ST6GALNAC5: variants seen among roughly 807,000 people sequenced by gnomAD.
ST6GALNAC5 encodes ST6 N-acetylgalactosaminide alpha-2,6-sialyltransferase 5, also known as alpha-N-acetylgalactosaminide alpha-2,6-sialyltransferase 5.
In ST6GALNAC5, 27 loss-of-function variants were observed where a neutral mutation model predicts 33.6. The observed-to-expected ratio is 0.80, with a 90% CI of 0.59 to 1.11. The LOEUF (loss-of-function observed/expected upper bound fraction) is 1.11, where lower values mean the gene tolerates loss of function less well. Ranked by LOEUF, ST6GALNAC5 falls within the 50% of genes least tolerant of loss-of-function variation. The pLI, the probability that ST6GALNAC5 is intolerant of heterozygous loss-of-function variation, is 0.00. For missense variants in ST6GALNAC5, 428 were observed against 454.0 expected (o/e 0.94, Z 0.52); for synonymous variants, 194 against 171.2 (o/e 1.13, Z -1.04).
chr1:76,990,477 C>G (rs1004234754), intron 2 of ST6GALNAC5, among the ~76,000 whole-genome samples: 1 of 152,160 alleles, frequency 6.6e-6, no homozygotes, highest in African/African-American at 2.4e-5. Context: ...GCCTTCTCAG[C>G]CTTCTGTCTT....
rs1018689051 is a variant in ST6GALNAC5 at position 77,065,706 on chromosome 1, A to G, written c.*2500A>G. On this transcript the variant is annotated 3_prime_UTR_variant, in exon 5 of 5. Coordinates refer to ENST00000477717, the MANE Select transcript of ST6GALNAC5 (RefSeq NM_030965.3). ...AACACCATTAAATATAAACTCTGAT[A>G]TAAAAGATGACTACAGAACCATGTT... is the stretch of plus-strand genomic sequence containing the variant. 1 of 152,222 alleles carries G rather than the reference A, an allele frequency of 6.6e-6. No individual in the cohort carries two copies. The highest frequency in any genetic ancestry group is 2.1e-4 in the South Asian group (1 of 4,834). The allele number at this position is 152,222 out of a possible 1,614,324, so 9.4% of individuals were successfully genotyped here.
chr1:76,913,550 G>A lies in ST6GALNAC5; in HGVS notation c.261+44808G>A, dbSNP rs1241607598. Among the ~76,000 whole-genome samples the A allele has an allele frequency of 3.9e-5, 6 of 152,198 alleles. No homozygotes were observed. The East Asian group carries it at 5.8e-4, about 15-fold the overall frequency. ...GTTCCATTCTCCCCGTCACTTTCAG[G>A]TAAACCAATCAGATGCAGATTTGGT... On this transcript the variant is annotated intron_variant, in intron 2 of 4. Coordinates refer to ENST00000477717, the MANE Select transcript of ST6GALNAC5 (RefSeq NM_030965.3).
intron 2 of ST6GALNAC5, among the ~76,000 whole-genome samples, chr1:77,001,972 C>G (rs12132588): frequency 0.18 from 27,109 of 151,844 alleles, 2,444 homozygotes; most frequent in Middle Eastern, 0.26. Context: ...GTGTCTCTGC[C>G]CGGCTTTGCT....
intron 2 of ST6GALNAC5, among the ~76,000 whole-genome samples, chr1:77,030,957 TGGGCAGTCTGCCTAAG>T (rs1037574417): frequency 1.8e-4 from 28 of 152,222 alleles, no homozygotes; most frequent in African/African-American, 6.8e-4. Context: ...CAGTTGTGTC[TGGGCAGTCTGCCTAAG>T]AGTTTCCATT....
rs1652692652 is a variant in ST6GALNAC5, at chr1:77,064,040, A to G, written c.*834A>G. Reference sequence around the variant, plus strand: ...AAACCAAAAACTATGTTATTAAAACAAAAAAATGCTAACAAGAGAAATTTA... The same window carrying G: ...AAACCAAAAACTATGTTATTAAAACGAAAAAATGCTAACAAGAGAAATTTA... On this transcript the variant is annotated 3_prime_UTR_variant, in exon 5 of 5. Transcript: ENST00000477717. 6.6e-6 allele frequency: 1 copy of G among 152,058 alleles called. No homozygotes were observed. The highest frequency in any genetic ancestry group is 6.5e-5 in the Admixed American group (1 of 15,282). The allele number at this position is 152,058 out of a possible 1,614,324, so 9.4% of individuals were successfully genotyped here. A position where few individuals can be genotyped will look rare whatever the true frequency, so the allele number is the denominator to read the frequency against.
At chr1:77,025,275 G>A (rs547074567) in intron 2 of ST6GALNAC5, among the ~76,000 whole-genome samples, 1 of 152,212 alleles carries the variant, frequency 6.6e-6, no homozygotes, top group Non-Finnish European at 1.5e-5. Flanking sequence ...GCTCACGCTT[G>A]TAATTCCAGA....
intron 2 of ST6GALNAC5, among the ~76,000 whole-genome samples, chr1:77,034,701 A>C (rs1651586515): frequency 6.6e-6 from 1 of 152,226 alleles, no homozygotes; most frequent in South Asian, 2.1e-4. Context: ...ATAAGCAGGC[A>C]GGTGGTGCAG....
intron 2 of ST6GALNAC5, among the ~76,000 whole-genome samples, chr1:76,949,751 C>T (rs1282834089): frequency 6.6e-6 from 1 of 152,138 alleles, no homozygotes; most frequent in Non-Finnish European, 1.5e-5. Flanking sequence ...AGGAGAAAAA[C>T]CATTAGACCC....
chr1:76,942,413 C>T (rs1480046387), intron 2 of ST6GALNAC5, among the ~76,000 whole-genome samples: 1 of 152,092 alleles, frequency 6.6e-6, no homozygotes, highest in Non-Finnish European at 1.5e-5. Context: ...AAATCAGTCA[C>T]CTAAAATGTT....
At chr1:76,885,514 G>A (rs907220650) in intron 2 of ST6GALNAC5, among the ~76,000 whole-genome samples, 1 of 152,170 alleles carries the variant, frequency 6.6e-6, no homozygotes, top group African/African-American at 2.4e-5. Context: ...TGGGGTTTAT[G>A]TGTACATTGA....
At chr1:77,054,644 G>A (rs1412749112) in intron 4 of ST6GALNAC5, among the ~76,000 whole-genome samples, 1 of 152,062 alleles carries the variant, frequency 6.6e-6, no homozygotes, top group African/African-American at 2.4e-5. Context: ...GAGAGAGAAG[G>A]GCTAAATTAT....
At chr1:76,880,135 G>A (rs551551637) in intron 2 of ST6GALNAC5, among the ~76,000 whole-genome samples, 5 of 152,266 alleles carry the variant, frequency 3.3e-5, no homozygotes, top group Admixed American at 2.6e-4. Context: ...GCTTCATTAT[G>A]TTCTTTGGTT....
At chr1:77,012,870 C>T (rs1371939374) in intron 2 of ST6GALNAC5, among the ~76,000 whole-genome samples, 1 of 152,130 alleles carries the variant, frequency 6.6e-6, no homozygotes, top group Admixed American at 6.5e-5. Context: ...AGACAGACAG[C>T]AAAACCAGCA....
intron 2 of ST6GALNAC5, among the ~76,000 whole-genome samples, chr1:77,020,872 C>A (rs1489500576): frequency 1.3e-5 from 2 of 152,220 alleles, no homozygotes; most frequent in East Asian, 3.9e-4. Flanking sequence ...TGGTGGCTTG[C>A]ACCTCAGCAG....
intron 2 of ST6GALNAC5, among the ~76,000 whole-genome samples, chr1:76,974,324 G>A (rs1648906430): frequency 6.9e-6 from 1 of 145,844 alleles, no homozygotes; most frequent in Admixed American, 7.1e-5. Context: ...TCCTACCTTT[G>A]CCTCCCAAGT....
At chr1:76,875,730 C>A (rs1653623386) in intron 2 of ST6GALNAC5, among the ~76,000 whole-genome samples, 1 of 152,124 alleles carries the variant, frequency 6.6e-6, no homozygotes, top group African/African-American at 2.4e-5. Flanking sequence ...GATTCCTGGA[C>A]CCGTGCATCC....
At chr1:76,997,776 A>G (rs1271721180) in intron 2 of ST6GALNAC5, among the ~76,000 whole-genome samples, 4 of 152,162 alleles carry the variant, frequency 2.6e-5, no homozygotes, top group African/African-American at 4.8e-5. Flanking sequence ...AGGCCAGAGG[A>G]TCACTTGAGG....
intron 2 of ST6GALNAC5, among the ~76,000 whole-genome samples, chr1:76,919,833 G>A (rs902906024): frequency 6.6e-6 from 1 of 152,080 alleles, no homozygotes; most frequent in Non-Finnish European, 1.5e-5. Context: ...AGGAGTTGAC[G>A]CTAAAGTGAT....
chr1:76,945,091 CA>C (rs1436098701), intron 2 of ST6GALNAC5, among the ~76,000 whole-genome samples: 2 of 152,012 alleles, frequency 1.3e-5, no homozygotes, highest in African/African-American at 2.4e-5. Context: ...GAGTGTGGCA[CA>C]CATAGTAACG....
Sources: gnomAD v4.1 joint callset for allele counts (sites outside exome capture counted in the v4.1 genomes callset) on GRCh38, gnomAD v4.1.1 for gene constraint, MANE v1.5 for transcripts, NCBI Gene and HGNC (gene_info 2026-07-23, HGNC 2026-07-21) for gene names.